Variants in CELSR3 observed in about 807,000 individuals in gnomAD.
CELSR3 encodes cadherin EGF LAG seven-pass G-type receptor 3, also known as EGF-like protein 1.
CELSR3 carries 73 observed loss-of-function variants against 270.0 expected under a neutral mutation model. That is an observed-to-expected ratio of 0.27 (90% CI 0.22 to 0.33). The LOEUF (loss-of-function observed/expected upper bound fraction) is 0.33. Among genes scored for constraint, CELSR3 ranks in the 10% least tolerant of loss-of-function variants. The probability of loss-of-function intolerance (pLI) is 1.00; values close to 1 mark genes in which losing one functional copy is unlikely to be tolerated. For synonymous variants in CELSR3, 1,780 were observed against 1,905.4 expected, an observed-to-expected ratio of 0.93 and a Z score of 1.71; for missense variants, 3,614 against 4,533.8, an observed-to-expected ratio of 0.80 and a Z score of 5.83.
intron 20 of CELSR3, 143 bp downstream of exon 20, chr3:48,647,698 G>T (rs1185025721): frequency 4.1e-6 from 3 of 737,554 alleles, no homozygotes; most frequent in African/African-American, 3.8e-5. Context: ...GGGAAATATG[G>T]GAGGGAGGGT....
rs571272322 is a variant in CELSR3, at chr3:48,644,536, G to A, written c.8085+180C>T. Reference sequence around the variant, plus strand: ...GACAGGCAACTGAATCTCTGACCCCGCGCCCCCATCTCCATGCCAGTTGAA... The same window carrying A: ...GACAGGCAACTGAATCTCTGACCCCACGCCCCCATCTCCATGCCAGTTGAA... On this transcript the variant is annotated intron_variant, in intron 26 of 34. Transcript: ENST00000164024. This position sits in a 1 kb window ranked among gnomAD's most constrained non-coding sequence, Gnocchi z 4.8. Among the ~76,000 whole-genome samples the A allele has an allele frequency of 6.6e-5, 10 of 152,174 alleles. No homozygotes were observed. In the East Asian group the frequency reaches 7.7e-4, roughly 12 times the overall value.
Position 48,661,773 on chromosome 3 carries a change from G to T in CELSR3, c.862C>A (p.Pro288Thr). 6.2e-7 allele frequency: 1 copy of T among 1,600,516 alleles called. No individual in the cohort carries two copies. ...SRGLFRCRFL[P>T]QRPGPRPPGL... ...GGGGGACGCGGCCCGGGGCGCTGCG[G>T]GAGGAAGCGGCAGCGGAAGAGACCC... Residue 288 changes from proline (P) to threonine (T), a missense_variant, in exon 1 of 35, where the codon CCG (proline) becomes ACG (threonine). By Grantham distance (38) the Pro-to-Thr change is conservative (BLOSUM62 -1). Around this residue, in one of 7 missense-constraint regions of CELSR3, gnomAD observed 470 missense variants for 469.7 expected, o/e 1.00. Coordinates refer to ENST00000164024, the MANE Select transcript of CELSR3 (RefSeq NM_001407.3).
In CELSR3 at chr3:48,656,996, G is replaced by C; in HGVS notation, c.4101C>G (p.Ser1367=). The change falls in exon 2 of 35, where the codon TCC becomes TCG. Residue 1367 remains serine (S), a synonymous_variant. Transcript: ENST00000164024. ...CGTCGAAGGGCAGTACGTCGAGCAGGGAGCGAGCCGCCAGCGCCGCCCGGC... is the reference window on the plus strand; with the variant it reads ...CGTCGAAGGGCAGTACGTCGAGCAGCGAGCGAGCCGCCAGCGCCGCCCGGC... ...YVRRAALAAR[S]LLDVLPFDDN... The C allele has an allele frequency of 6.2e-7, 1 of 1,612,876 alleles. No individual in the cohort carries two copies. Among genetic ancestry groups the C allele is most frequent in the Non-Finnish European group, 8.5e-7 (1 of 1,179,538 alleles).
At chr3:48,638,438 C>T (rs1049210025) in intron 34 of CELSR3, among the ~76,000 whole-genome samples, 1 of 152,116 alleles carries the variant, frequency 6.6e-6, no homozygotes, top group Non-Finnish European at 1.5e-5. Flanking sequence ...TCCTTGGCTG[C>T]CCAGGTGTTT....
Position 48,660,044 on chromosome 3 carries a change from G to A in CELSR3, c.2591C>T (p.Ser864Leu), listed in dbSNP as rs2077054797. 1.2e-6 allele frequency: 2 copies of A among 1,614,090 alleles called. No homozygotes were observed. The highest frequency in any genetic ancestry group is 1.3e-5 in the African/African-American group (1 of 74,922). The change falls in exon 1 of 35, where the codon TCA becomes TTA. Residue 864 changes from serine to leucine, a missense_variant. Coordinates refer to ENST00000164024, the MANE Select transcript of CELSR3 (RefSeq NM_001407.3). This position sits in a 1 kb window ranked among gnomAD's most constrained non-coding sequence, Gnocchi z 5.5. ...HRPVFQSAHY[S>L]VSVNEDRPMG... is the part of the protein sequence containing the mutation. ...TGGCCGATCTTCATTCACACTCACT[G>A]AGTAGTGGGCACTTTGAAAGACCGG...
In CELSR3 at chr3:48,655,986, G is replaced by A. The variant is rs1435838762; in HGVS notation, c.4626-135C>T. ...GAGGGACGGCGGGACCGACCGGGGG[G>A]ACGCGGGTGCAGCGAGGTCAGGAGA... On this transcript the variant is annotated intron_variant, in intron 3 of 34. Transcript: ENST00000164024. This position sits in a 1 kb window ranked among gnomAD's most constrained non-coding sequence, Gnocchi z 5.8. The A allele has an allele frequency of 6.3e-6, 7 of 1,115,934 alleles. No individual in the cohort carries two copies. The highest frequency in any genetic ancestry group is 4.6e-5 in the African/African-American group (3 of 64,982). The allele number at this position is 1,115,934 out of a possible 1,614,324, so 69.1% of individuals were successfully genotyped here.
Position 48,640,757 on chromosome 3 carries a change from C to A in CELSR3, c.9026-198G>T. On this transcript the variant is annotated intron_variant, in intron 33 of 34. Transcript: ENST00000164024. The surrounding 1 kb of genome is among the most constrained non-coding windows in gnomAD (Gnocchi z 7.5). Reference sequence around the variant, plus strand: ...ACAGGGGTCAGAGTGGAAGGGCAGTCATCTTCCAGTTGTGGTCCCGGGGCA... The same window carrying A: ...ACAGGGGTCAGAGTGGAAGGGCAGTAATCTTCCAGTTGTGGTCCCGGGGCA... 1.6e-5 allele frequency: 7 copies of A among 446,344 alleles called. No homozygotes were observed. The highest frequency in any genetic ancestry group is 2.8e-5 in the Non-Finnish European group (7 of 253,046). 27.6% of individuals were successfully genotyped at this position (446,344 alleles called of 1,614,324 possible).
chr3:48,658,753 G>C lies in CELSR3; in HGVS notation c.3748+134C>G. On this transcript the variant is annotated intron_variant, in intron 1 of 34. Coordinates refer to ENST00000164024, the MANE Select transcript of CELSR3 (RefSeq NM_001407.3). The surrounding 1 kb of genome is among the most constrained non-coding windows in gnomAD (Gnocchi z 4.7). Reference sequence around the variant, plus strand: ...TGTGAGGTCTGTGGCAGATCTTGTAGGGTGCAGGAACCCTACCCTTAAGGG... The same window carrying C: ...TGTGAGGTCTGTGGCAGATCTTGTACGGTGCAGGAACCCTACCCTTAAGGG... The C allele has an allele frequency of 3.0e-6, 3 of 1,012,716 alleles. No homozygotes were observed. The highest frequency in any genetic ancestry group is 4.3e-6 in the Non-Finnish European group (3 of 694,920). The allele number at this position is 1,012,716 out of a possible 1,614,324, so 62.7% of individuals were successfully genotyped here.
Position 48,639,534 on chromosome 3 carries a change from C to T in CELSR3, c.9911+140G>A. Reference sequence around the variant, plus strand: ...CAGATTCCTGTCCCCAGCCTGTGGCCCTCTGGCTGTGCTGAGCCTGGGGTA... The same window carrying T: ...CAGATTCCTGTCCCCAGCCTGTGGCTCTCTGGCTGTGCTGAGCCTGGGGTA... On this transcript the variant is annotated intron_variant, in intron 34 of 34. Transcript: ENST00000164024. This position sits in a 1 kb window ranked among gnomAD's most constrained non-coding sequence, Gnocchi z 4.1. 8.7e-7 allele frequency: 1 copy of T among 1,147,738 alleles called. No homozygotes were observed. The highest frequency in any genetic ancestry group is 1.2e-6 in the Non-Finnish European group (1 of 815,820). 71.1% of individuals were successfully genotyped at this position (1,147,738 alleles called of 1,614,324 possible).
In CELSR3 at chr3:48,660,391, G is replaced by A. The variant is rs769146585; in HGVS notation, c.2244C>T (p.Asp748=). Residue 748 remains aspartate (D), a synonymous_variant, in exon 1 of 35, where the codon GAC becomes GAT. Transcript: ENST00000164024. The surrounding 1 kb of genome is among the most constrained non-coding windows in gnomAD (Gnocchi z 5.5). The part of the protein sequence containing the change: ...ASASVTVTVL[D]VNDNRPEFTM... ...TGAACTCAGGCCGATTGTCATTAAC[G>A]TCCAGCACAGTCACGGTGACACTGG... 1.7e-5 allele frequency: 27 copies of A among 1,613,984 alleles called. No individual in the cohort carries two copies. The highest frequency in any genetic ancestry group is 5.0e-5 in the Admixed American group (3 of 60,002).
rs1355764781 is a variant in CELSR3, at chr3:48,649,410, G to T, written c.6473-195C>A. Among the ~76,000 whole-genome samples the T allele has an allele frequency of 2.0e-5, 3 of 152,230 alleles. No individual in the cohort carries two copies. The South Asian group carries it at 6.2e-4, about 31-fold the overall frequency. On this transcript the variant is annotated intron_variant, in intron 16 of 34. Transcript: ENST00000164024. ...TGCTTGTCAGGCAATTCCTGAGAGG[G>T]CTGTAGACCATTCTCAACCAGCAAC...
Position 48,645,571 on chromosome 3 carries a change from T to A in CELSR3, c.7669A>T (p.Thr2557Ser), listed in dbSNP as rs1193192169. 9.9e-6 allele frequency: 16 copies of A among 1,612,462 alleles called. No individual in the cohort carries two copies. In the Admixed American group the frequency reaches 1.2e-4, roughly 12 times the overall value. ...VAVSVAALVL[T>S]AAILLSLRSL... ...CGCAGGCTCAGCAGGATGGCTGCAG[T>A]CAGCACCAGCGCAGCCACAGACACA... Residue 2557 changes from threonine (T) to serine (S), a missense_variant, in exon 24 of 35, where the codon ACT becomes TCT. Coordinates refer to ENST00000164024, the MANE Select transcript of CELSR3 (RefSeq NM_001407.3). This position sits in a 1 kb window ranked among gnomAD's most constrained non-coding sequence, Gnocchi z 5.4.
rs1259059387 is a variant in CELSR3 at position 48,660,544 on chromosome 3, A to C, written c.2091T>G (p.Thr697=). The C allele has an allele frequency of 2.5e-6, 4 of 1,614,156 alleles. No individual in the cohort carries two copies. Among genetic ancestry groups the C allele is most frequent in the East Asian group, 4.5e-5 (2 of 44,880 alleles). ...CAGTGGCGCTGTTTATCACAAAAGG[A>C]GTATCAGGTGCCACACCAGTTAGGG... ...EYSLTGVAPD[T]PFVINSATGW... is the part of the protein sequence containing the mutation. The change falls in exon 1 of 35, where the codon ACT becomes ACG. Residue 697 remains threonine, a synonymous_variant. Coordinates refer to ENST00000164024, the MANE Select transcript of CELSR3 (RefSeq NM_001407.3). This position sits in a 1 kb window ranked among gnomAD's most constrained non-coding sequence, Gnocchi z 5.5.
rs1388956578 is a variant in CELSR3, at chr3:48,637,119, T to C, written c.*1086A>G. The C allele has an allele frequency of 1.3e-5, 2 of 152,590 alleles. No homozygotes were observed. The highest frequency in any genetic ancestry group is 4.8e-5 in the African/African-American group (2 of 41,456). The allele number at this position is 152,590 out of a possible 1,614,324, so 9.5% of individuals were successfully genotyped here. Reference sequence around the variant, plus strand: ...AACAAAATTTTAAAGTCTTCAGTTCTGGACAGCAGACAAAATAGCAAAAGT... The same window carrying C: ...AACAAAATTTTAAAGTCTTCAGTTCCGGACAGCAGACAAAATAGCAAAAGT... On this transcript the variant is annotated 3_prime_UTR_variant, in exon 35 of 35. Transcript: ENST00000164024.
In CELSR3 at chr3:48,644,844, G is replaced by C. The variant is rs747576719; in HGVS notation, c.7973-16C>G. The C allele has an allele frequency of 1.9e-6, 3 of 1,606,140 alleles. No homozygotes were observed. The highest frequency in any genetic ancestry group is 1.3e-5 in the African/African-American group (1 of 74,828). On this transcript the variant is annotated splice_polypyrimidine_tract_variant and intron_variant, in intron 25 of 34. Transcript: ENST00000164024. The surrounding 1 kb of genome is among the most constrained non-coding windows in gnomAD (Gnocchi z 4.8). ...ACAGCAAGGCCTTGGGAAGAGAAAGGGTAGGACTGAGGGTGTGTGTTCCAG... is the reference window on the plus strand; with the variant it reads ...ACAGCAAGGCCTTGGGAAGAGAAAGCGTAGGACTGAGGGTGTGTGTTCCAG...
At position 48,645,294 on chromosome 3, in the gene CELSR3, C is replaced by T; in HGVS notation, c.7798-85G>A. 1 of 1,532,900 alleles carries T rather than the reference C, an allele frequency of 6.5e-7. No individual in the cohort carries two copies. The allele number at this position is 1,532,900 out of a possible 1,614,324, so 95.0% of individuals were successfully genotyped here. The stretch of plus-strand genomic sequence containing the variant: ...CAGGCATCTGCTTCCCACCTCTCAC[C>T]CCTAAACCACAATATCTTACCCCAG... On this transcript the variant is annotated intron_variant, in intron 24 of 34. Transcript: ENST00000164024. The surrounding 1 kb of genome is among the most constrained non-coding windows in gnomAD (Gnocchi z 5.4).
At position 48,650,895 on chromosome 3, in the gene CELSR3, G is replaced by C; in HGVS notation, c.6367C>G (p.Arg2123Gly). Residue 2123 changes from arginine (R) to glycine (G), a missense_variant, in exon 15 of 35, where the codon CGG becomes GGG. Arg to Gly is a moderately radical substitution (Grantham distance 125). This residue lies in a region of CELSR3 where 1,331 missense variants were observed against 1,933.7 expected (regional missense o/e 0.69). Coordinates refer to ENST00000164024, the MANE Select transcript of CELSR3 (RefSeq NM_001407.3). The surrounding 1 kb of genome is among the most constrained non-coding windows in gnomAD (Gnocchi z 5.1). ...PFAEVTASGC[R>G]VLYDACPKSL... The stretch of plus-strand genomic sequence containing the variant: ...GAGCTGGGTGGAGCCTGCTCACCCC[G>C]GCAGCCGCTGGCTGTCACCTCTGCG... The C allele has an allele frequency of 6.2e-7, 1 of 1,610,080 alleles. No homozygotes were observed.
chr3:48,641,600 TG>T lies in CELSR3; in HGVS notation c.8825-77del, dbSNP rs1279390088. ...CATGACCCCTGACCCTAATGACCCT[TG>T]AAACCCTGGCTGTTCTCATTGAGCA... is the stretch of plus-strand genomic sequence containing the variant. On this transcript the variant is annotated intron_variant, in intron 32 of 34. Coordinates refer to ENST00000164024, the MANE Select transcript of CELSR3 (RefSeq NM_001407.3). This position sits in a 1 kb window ranked among gnomAD's most constrained non-coding sequence, Gnocchi z 4.8. 16 of 1,147,622 alleles carry T rather than the reference TG, an allele frequency of 1.4e-5. No individual in the cohort carries two copies. Among genetic ancestry groups the T allele is most frequent in the South Asian group, 6.8e-5 (5 of 73,474 alleles). 71.1% of individuals were successfully genotyped at this position (1,147,622 alleles called of 1,614,324 possible). A position where few individuals can be genotyped will look rare whatever the true frequency, so the allele number is the denominator to read the frequency against.
chr3:48,644,213 C>G lies in CELSR3; in HGVS notation c.8165+3G>C. ...GCCCCCTTCCTCCAGCCAGCCAACT[C>G]ACAGTGCAGAGGTCTTCTTGGCCTC... On this transcript the variant is annotated splice_donor_region_variant and intron_variant, in intron 27 of 34. Transcript: ENST00000164024. This position sits in a 1 kb window ranked among gnomAD's most constrained non-coding sequence, Gnocchi z 4.8. 6.2e-7 allele frequency: 1 copy of G among 1,604,950 alleles called. No individual in the cohort carries two copies. The highest frequency in any genetic ancestry group is 8.5e-7 in the Non-Finnish European group (1 of 1,173,192).
Sources: gnomAD v4.1 joint callset for allele counts (sites outside exome capture counted in the v4.1 genomes callset) on GRCh38, gnomAD v4.1.1 for gene constraint, gnomAD v4.1.1 regional missense constraint, Gnocchi (gnomAD v3.1) non-coding constraint, MANE v1.5 for transcripts, NCBI Gene and HGNC (gene_info 2026-07-23, HGNC 2026-07-21) for gene names.